The following SIMC1 variants were observed in gnomAD, a reference collection of about 807,000 sequenced individuals.
SIMC1 encodes the protein SUMO-interacting motif-containing protein 1.
A neutral mutation model predicts 82.3 loss-of-function variants in SIMC1; 55 were observed. That is an observed-to-expected ratio of 0.67 (90% confidence interval 0.54 to 0.84). SIMC1 has a LOEUF of 0.84. SIMC1 is among the 40% of genes least tolerant of loss of function. SIMC1 has a pLI of 0.00. For missense variants in SIMC1, 915 were observed against 1,107.2 expected (o/e 0.83, Z 2.46); for synonymous variants, 353 against 426.3 (o/e 0.83, Z 2.12).
intron 4 of SIMC1, chr5:176,309,119 A>G: frequency 1.6e-6 from 1 of 644,354 alleles, no homozygotes. Flanking sequence ...ACCTGACTTC[A>G]AGACTTACTA....
chr5:176,259,837 A>G (rs985303160), intron 1 of SIMC1, among the ~76,000 whole-genome samples: 2 of 151,784 alleles, frequency 1.3e-5, no homozygotes, highest in Admixed American at 1.3e-4. Flanking sequence ...ACCTGCCCCT[A>G]TCTATTTCTA....
At chr5:176,344,556 C>T (rs1766329404) in intron 9 of SIMC1, among the ~76,000 whole-genome samples, 1 of 152,132 alleles carries the variant, frequency 6.6e-6, no homozygotes, top group African/African-American at 2.4e-5. Flanking sequence ...CACAGTTCTA[C>T]AGGCTGTACA....
Position 176,293,280 on chromosome 5 carries a change from T to G in SIMC1, c.1432-1750T>G, listed in dbSNP as rs144027974. Among the ~76,000 whole-genome samples the G allele has an allele frequency of 4.5e-4, 64 of 143,600 alleles. 1 individual carries two copies. In the East Asian group the frequency reaches 0.013, roughly 29 times the overall value. The allele number at this position is 143,600 out of a possible 152,430, so 94.2% of individuals were successfully genotyped here. On this transcript the variant is annotated intron_variant, in intron 2 of 9. Coordinates refer to ENST00000429602, the MANE Select transcript of SIMC1 (RefSeq NM_001308195.2). ...TAGTGAAACCCCCTCTATAAAAAAT[T>G]CAAAAATTAGCTGAATATGGTGGCA...
At chr5:176,308,044 A>G in intron 4 of SIMC1, 1 of 695,884 alleles carries the variant, frequency 1.4e-6, no homozygotes, top group South Asian at 1.5e-5. Flanking sequence ...AGTAATTAAA[A>G]GCAATGAGCT....
chr5:176,341,101 C>T (rs914565056), intron 9 of SIMC1, among the ~76,000 whole-genome samples: 1 of 152,104 alleles, frequency 6.6e-6, no homozygotes, highest in African/African-American at 2.4e-5. Flanking sequence ...GAGCTGAGAT[C>T]GTGCCACTGC....
chr5:176,246,317 T>C (rs532987609), intron 1 of SIMC1, among the ~76,000 whole-genome samples: 1 of 152,092 alleles, frequency 6.6e-6, no homozygotes, highest in East Asian at 1.9e-4. Flanking sequence ...GCCAAGTGAC[T>C]CCATTTTGAT....
chr5:176,294,877 A>AT (rs1344844209), intron 2 of SIMC1, 153 bp from the exon 3 acceptor site: 1 of 1,059,848 alleles, frequency 9.4e-7, no homozygotes, highest in Non-Finnish European at 1.3e-6. Flanking sequence ...AGGCAGGAGA[A>AT]TGGCATGAAC....
At chr5:176,309,881 G>C (rs1764589659) in intron 4 of SIMC1, among the ~76,000 whole-genome samples, 2 of 152,236 alleles carry the variant, frequency 1.3e-5, no homozygotes, top group Non-Finnish European at 2.9e-5. Context: ...GCTGCGGTGA[G>C]CTATGATCAC....
rs1361737854 is a variant in SIMC1, at chr5:176,303,675, CTG to C, written c.1734+7357_1734+7358del. 3.9e-5 allele frequency among the ~76,000 whole-genome samples: 6 copies of C among 152,252 alleles called. No homozygotes were observed. The East Asian group carries it at 1.2e-3, about 29-fold the overall frequency. On this transcript the variant is annotated intron_variant, in intron 4 of 9. Transcript: ENST00000429602. ...AAGTTGGAGTTCTCACACTTCTTGA[CTG>C]TAAAATATAAAGCTACAGTACTCAA...
intron 1 of SIMC1, among the ~76,000 whole-genome samples, chr5:176,270,819 C>T (rs540039947): frequency 2.6e-5 from 4 of 152,196 alleles, no homozygotes; most frequent in East Asian, 3.9e-4. Context: ...TCCTAGCAGT[C>T]GGAACTTGAG....
At chr5:176,342,876 A>G (rs981595221) in intron 9 of SIMC1, among the ~76,000 whole-genome samples, 2 of 152,208 alleles carry the variant, frequency 1.3e-5, no homozygotes, top group Non-Finnish European at 2.9e-5. Context: ...GCTTCCTGCA[A>G]CTAGAATATC....
In SIMC1 at chr5:176,290,233, C is replaced by A. The variant is rs755633360; in HGVS notation, c.709C>A (p.Pro237Thr). ...CCCACCGAGAGCCTCACCATGTCCA[C>A]CACGAGCCTCCTCATGCCCACCACG... ...PCPPRASPCP[P>T]RASSCPPRAL... Residue 237 changes from proline to threonine, a missense_variant, in exon 2 of 10, where the codon CCA (proline) becomes ACA (threonine). Transcript: ENST00000429602. 99 of 1,612,910 alleles carry A rather than the reference C, an allele frequency of 6.1e-5. No individual in the cohort carries two copies. The highest frequency in any genetic ancestry group is 1.2e-4 in the Admixed American group (7 of 59,960).
At chr5:176,281,756 C>T (rs1299099014) in intron 1 of SIMC1, among the ~76,000 whole-genome samples, 4 of 152,136 alleles carry the variant, frequency 2.6e-5, no homozygotes, top group African/African-American at 4.8e-5. Context: ...TTTCGTGAAC[C>T]GCGAATGCTG....
intron 1 of SIMC1, among the ~76,000 whole-genome samples, chr5:176,257,394 A>G (rs1761881525): frequency 6.6e-6 from 1 of 152,224 alleles, no homozygotes; most frequent in Admixed American, 6.5e-5. Flanking sequence ...AAGACTGTAC[A>G]GGAAGCATGG....
chr5:176,300,281 G>GA (rs894864385), intron 4 of SIMC1, among the ~76,000 whole-genome samples: 4 of 152,016 alleles, frequency 2.6e-5, no homozygotes, highest in African/African-American at 4.8e-5. Context: ...GGAGAATAGG[G>GA]AAAAAATGAA....
intron 4 of SIMC1, among the ~76,000 whole-genome samples, chr5:176,306,227 C>T (rs1309673661): frequency 2.5e-3 from 198 of 80,610 alleles, no homozygotes; most frequent in Middle Eastern, 9.3e-3. Flanking sequence ...TCTGCCCGGC[C>T]GCCCCTACTG....
chr5:176,240,405 C>T (rs1257743054), intron 1 of SIMC1, among the ~76,000 whole-genome samples: 1 of 104,970 alleles, frequency 9.5e-6, no homozygotes, highest in Non-Finnish European at 2.1e-5. Context: ...TTATCTCAGT[C>T]TTTTGTGGTC....
chr5:176,339,135 G>A (rs138672402), intron 9 of SIMC1, among the ~76,000 whole-genome samples: 2,753 of 152,176 alleles, frequency 0.018, 86 homozygotes, highest in African/African-American at 0.063. Flanking sequence ...AGGCCGAGGC[G>A]GGCGAATCAC....
At position 176,337,092 on chromosome 5, in the gene SIMC1, G is replaced by T. The variant is rs769706590; in HGVS notation, c.2359G>T (p.Glu787Ter). The change falls in exon 9 of 10, where the codon GAA becomes TAA. Residue 787 changes from glutamate (E) to a stop codon, truncating the protein, a stop_gained. Transcript: ENST00000429602. LOFTEE classifies it high-confidence loss of function. ...SDKSQWQTWD[E>*]LVEHLQFLLS... ...TAAAAGCCAGTGGCAGACTTGGGAC[G>T]AATTGGTTGAGCATCTGCAGTTTCT... 1 of 1,613,974 alleles carries T rather than the reference G, an allele frequency of 6.2e-7. No individual in the cohort carries two copies. Among genetic ancestry groups the T allele is most frequent in the Non-Finnish European group, 8.5e-7 (1 of 1,179,864 alleles).
Sources: allele counts gnomAD v4.1 joint callset (sites outside exome capture counted in the v4.1 genomes callset), GRCh38; gene constraint gnomAD v4.1.1; transcripts MANE v1.5; gene names NCBI Gene and HGNC (gene_info 2026-07-23, HGNC 2026-07-21).